CNTNAP2: variants seen among roughly 807,000 people sequenced by gnomAD.
CNTNAP2 encodes contactin-associated protein-like 2.
Under a neutral mutation model 155.2 loss-of-function variants are expected in CNTNAP2, and 98 were observed. The observed-to-expected ratio is 0.63, with a 90% CI of 0.54 to 0.75. The LOEUF (loss-of-function observed/expected upper bound fraction) is 0.75. Among genes scored for constraint, CNTNAP2 ranks in the 30% least tolerant of loss-of-function variants. CNTNAP2 has a pLI of 0.00. For synonymous variants in CNTNAP2, 651 were observed against 631.2 expected, an observed-to-expected ratio of 1.03 and a Z score of -0.47; for missense variants, 1,727 against 1,688.1, an observed-to-expected ratio of 1.02 and a Z score of -0.40.
intron 14 of CNTNAP2, among the ~76,000 whole-genome samples, chr7:147,967,368 G>C (rs1294001019): frequency 6.6e-6 from 1 of 152,154 alleles, no homozygotes; most frequent in African/African-American, 2.4e-5. Context: ...GAGTATCGGA[G>C]ATTTGATCTG....
chr7:148,409,266 C>G, intron 22 of CNTNAP2, 125 bp from the exon 23 acceptor site: 1 of 774,924 alleles, frequency 1.3e-6, no homozygotes, highest in South Asian at 1.5e-5. Flanking sequence ...ACGGGTCCAT[C>G]TGAAATGGAG....
chr7:146,461,254 A>G (rs970676591), intron 1 of CNTNAP2, among the ~76,000 whole-genome samples: 1 of 151,890 alleles, frequency 6.6e-6, no homozygotes, highest in African/African-American at 2.4e-5. Flanking sequence ...TACAAAAAAA[A>G]ATTAGCTGGG....
At chr7:147,935,219 C>T (rs886694720) in intron 14 of CNTNAP2, among the ~76,000 whole-genome samples, 2 of 151,740 alleles carry the variant, frequency 1.3e-5, no homozygotes, top group Non-Finnish European at 2.9e-5. Flanking sequence ...CTGTGCCTCC[C>T]GGGGTCAAGC....
At chr7:146,340,286 G>GT (rs548459768) in intron 1 of CNTNAP2, among the ~76,000 whole-genome samples, 3,310 of 93,760 alleles carry the variant, frequency 0.035, 90 homozygotes, top group African/African-American at 0.1. Flanking sequence ...TGTTGTTGTT[G>GT]TTTTTTTTTT....
intron 15 of CNTNAP2, among the ~76,000 whole-genome samples, chr7:147,992,955 T>G (rs906887216): frequency 6.6e-6 from 1 of 152,242 alleles, no homozygotes; most frequent in Non-Finnish European, 1.5e-5. Flanking sequence ...AGAATTTAAT[T>G]ATATTATACT....
intron 3 of CNTNAP2, among the ~76,000 whole-genome samples, chr7:146,886,289 AAAG>A (rs1316194665): frequency 1.4e-5 from 2 of 146,092 alleles, no homozygotes; most frequent in Non-Finnish European, 3.0e-5. Context: ...AAAAAAAAAG[AAAG>A]AAATATCTTT....
chr7:146,143,977 G>T (rs1451399394), intron 1 of CNTNAP2, among the ~76,000 whole-genome samples: 1 of 151,900 alleles, frequency 6.6e-6, no homozygotes, highest in African/African-American at 2.4e-5. Flanking sequence ...GGCCAGGCTG[G>T]TCTTGAACTC....
chr7:147,872,106 G>T (rs1799337362), intron 13 of CNTNAP2, among the ~76,000 whole-genome samples: 1 of 152,132 alleles, frequency 6.6e-6, no homozygotes, highest in South Asian at 2.1e-4. Flanking sequence ...AATGCCCTGT[G>T]GAGAAAGAGA....
intron 14 of CNTNAP2, among the ~76,000 whole-genome samples, chr7:147,939,454 G>A (rs939277418): frequency 2.6e-5 from 4 of 152,024 alleles, no homozygotes; most frequent in Non-Finnish European, 5.9e-5. Context: ...TCAGCCTCCT[G>A]AGTAGCTGGG....
chr7:148,391,538 A>G (rs1015203905), intron 22 of CNTNAP2, among the ~76,000 whole-genome samples: 15 of 152,196 alleles, frequency 9.9e-5, no homozygotes, highest in Non-Finnish European at 1.5e-5. Context: ...GCCTGTTTCT[A>G]AACCATTATA....
chr7:147,608,230 G>C (rs1801110921), intron 12 of CNTNAP2, among the ~76,000 whole-genome samples: 1 of 151,404 alleles, frequency 6.6e-6, no homozygotes, highest in Admixed American at 6.6e-5. Context: ...AAAACACAAT[G>C]GTTTTAAGAA....
Position 148,389,102 on chromosome 7 carries a change from C to T in CNTNAP2, c.3715+5214C>T, listed in dbSNP as rs556462283. Among the ~76,000 whole-genome samples, 39 of 152,314 alleles carry T rather than the reference C, an allele frequency of 2.6e-4. 2 individuals are homozygous for T. The South Asian group carries it at 5.2e-3, about 20-fold the overall frequency. ...TGCAGAAATCACCCATCTTCTGCGT[C>T]GCTCATGCTGGGAGCTGTAGACTGG... On this transcript the variant is annotated intron_variant, in intron 22 of 23. Transcript: ENST00000361727.
At chr7:148,413,442 A>ATAATATATATATATATATATG (rs1799899820) in intron 23 of CNTNAP2, among the ~76,000 whole-genome samples, 1 of 106,456 alleles carries the variant, frequency 9.4e-6, no homozygotes, top group African/African-American at 4.1e-5. Context: ...ATATATATAT[A>ATAATATATATATATATATATG]TATATTGCTC....
At chr7:146,272,707 CAT>C (rs140884054) in intron 1 of CNTNAP2, among the ~76,000 whole-genome samples, 33 of 152,110 alleles carry the variant, frequency 2.2e-4, no homozygotes, top group Admixed American at 4.6e-4. Flanking sequence ...TATGTGCCCT[CAT>C]GTGTGTGTGT....
At chr7:146,470,530 G>A (rs1468783064) in intron 1 of CNTNAP2, among the ~76,000 whole-genome samples, 1 of 151,880 alleles carries the variant, frequency 6.6e-6, no homozygotes, top group Admixed American at 6.6e-5. Flanking sequence ...TTTCTTGGTT[G>A]TGTTTCTTGC....
At chr7:148,328,513 A>G (rs747754571) in intron 21 of CNTNAP2, among the ~76,000 whole-genome samples, 1 of 103,460 alleles carries the variant, frequency 9.7e-6, no homozygotes, top group Non-Finnish European at 2.6e-5. Flanking sequence ...GGTGTTCAAT[A>G]GGCCTTGGGG....
intron 4 of CNTNAP2, among the ~76,000 whole-genome samples, chr7:147,060,858 T>C (rs111471651): frequency 0.13 from 18,090 of 143,080 alleles, 573 homozygotes; most frequent in Middle Eastern, 0.22. Flanking sequence ...AGCGAGACTC[T>C]GTCTCAAAAA....
At chr7:146,906,088 T>C (rs1796118442) in intron 3 of CNTNAP2, among the ~76,000 whole-genome samples, 1 of 152,182 alleles carries the variant, frequency 6.6e-6, no homozygotes, top group Admixed American at 6.5e-5. Flanking sequence ...TATTGAGCTT[T>C]CAGACCGGCT....
At chr7:147,117,525 G>T (rs1209416285) in intron 5 of CNTNAP2, among the ~76,000 whole-genome samples, 1 of 152,088 alleles carries the variant, frequency 6.6e-6, no homozygotes, top group Non-Finnish European at 1.5e-5. Context: ...TGAAAAGGCT[G>T]TATTTACTGA....
Sources: gnomAD v4.1 joint callset for allele counts (sites outside exome capture counted in the v4.1 genomes callset) on GRCh38, gnomAD v4.1.1 for gene constraint, MANE v1.5 for transcripts, NCBI Gene and HGNC (gene_info 2026-07-23, HGNC 2026-07-21) for gene names.